DIP2B: variants seen among roughly 807,000 people sequenced by gnomAD.
DIP2B encodes DIP2 acetate--CoA ligase B (putative), also known as disco-interacting protein 2 homolog B.
A neutral mutation model predicts 198.0 loss-of-function variants in DIP2B; 76 were observed. The observed-to-expected ratio is 0.38, with a 90% confidence interval of 0.32 to 0.46. The LOEUF (loss-of-function observed/expected upper bound fraction) is 0.46. Ranked by LOEUF, DIP2B falls within the 20% of genes least tolerant of loss-of-function variation. The probability of loss-of-function intolerance (pLI) is 0.99; values close to 1 mark genes in which losing one functional copy is unlikely to be tolerated. For synonymous variants in DIP2B, 701 were observed against 739.1 expected (o/e 0.95, Z 0.84); for missense variants, 1,559 against 1,978.4 (o/e 0.79, Z 4.02).
At chr12:50,526,844 C>T (rs1164680564) in intron 1 of DIP2B, among the ~76,000 whole-genome samples, 2 of 152,058 alleles carry the variant, frequency 1.3e-5, no homozygotes, top group African/African-American at 4.8e-5. Flanking sequence ...CCATGTTGGC[C>T]AGGTTGGTCC....
intron 4 of DIP2B, among the ~76,000 whole-genome samples, chr12:50,660,958 C>T (rs1193307377): frequency 6.6e-6 from 1 of 152,102 alleles, no homozygotes; most frequent in African/African-American, 2.4e-5. Context: ...TCCCTGTTCA[C>T]CAGACTTCAA....
intron 1 of DIP2B, among the ~76,000 whole-genome samples, chr12:50,579,120 T>A (rs561908961): frequency 1.2e-3 from 185 of 152,246 alleles, no homozygotes; most frequent in African/African-American, 4.1e-3. Flanking sequence ...GTTTGAGAGT[T>A]GTGAGCTGAC....
intron 1 of DIP2B, among the ~76,000 whole-genome samples, chr12:50,597,648 GA>G (rs1470728296): frequency 6.6e-6 from 1 of 152,172 alleles, no homozygotes; most frequent in Non-Finnish European, 1.5e-5. Flanking sequence ...GGGAGTCAGT[GA>G]GGGTGGCTCA....
chr12:50,636,560 T>C (rs1593675456), intron 2 of DIP2B, among the ~76,000 whole-genome samples: 1 of 152,136 alleles, frequency 6.6e-6, no homozygotes, highest in Non-Finnish European at 1.5e-5. Flanking sequence ...AAAGGAGAGG[T>C]AGTAGATCCA....
chr12:50,528,820 G>A (rs994491431), intron 1 of DIP2B, among the ~76,000 whole-genome samples: 2 of 152,174 alleles, frequency 1.3e-5, no homozygotes, highest in Non-Finnish European at 2.9e-5. Context: ...GGAGAGTTGG[G>A]GGCCAGGAAG....
At chr12:50,705,230 A>G (rs925392579) in intron 20 of DIP2B, among the ~76,000 whole-genome samples, 1 of 152,136 alleles carries the variant, frequency 6.6e-6, no homozygotes, top group Admixed American at 6.5e-5. Context: ...TCCACTTAAC[A>G]TCTTCAGTCA....
chr12:50,729,709 C>A (rs978801688), intron 30 of DIP2B, among the ~76,000 whole-genome samples: 1 of 150,388 alleles, frequency 6.6e-6, no homozygotes, highest in South Asian at 2.1e-4. Context: ...TATTTCCTTT[C>A]TGTCCTTTTT....
At chr12:50,621,375 T>A (rs1937808247) in intron 1 of DIP2B, among the ~76,000 whole-genome samples, 1 of 152,254 alleles carries the variant, frequency 6.6e-6, no homozygotes, top group Non-Finnish European at 1.5e-5. Context: ...TCGGTAAACT[T>A]CTGGTCCACT....
intron 1 of DIP2B, among the ~76,000 whole-genome samples, chr12:50,564,345 T>TA (rs1434452150): frequency 6.6e-6 from 1 of 152,216 alleles, no homozygotes; most frequent in East Asian, 1.9e-4. Context: ...CTTGTTCTGT[T>TA]ATGGTGGGAG....
At chr12:50,683,341 T>TG in intron 10 of DIP2B, 93 bp downstream of exon 10, 1 of 1,046,734 alleles carries the variant, frequency 9.6e-7, no homozygotes, top group Non-Finnish European at 1.4e-6. Flanking sequence ...TAAAAACTGT[T>TG]CGACCATTTT....
At chr12:50,667,162 G>A (rs1295465749) in intron 4 of DIP2B, among the ~76,000 whole-genome samples, 5 of 152,098 alleles carry the variant, frequency 3.3e-5, no homozygotes, top group Non-Finnish European at 4.4e-5. Flanking sequence ...GAGACAATGC[G>A]CCCGGCCAAC....
At chr12:50,540,053 G>GTGTTTTTTTTTTTTT in intron 1 of DIP2B, among the ~76,000 whole-genome samples, 1 of 44,142 alleles carries the variant, frequency 2.3e-5, no homozygotes, top group Non-Finnish European at 3.9e-5. Flanking sequence ...TTGTTTCTGT[G>GTGTTTTTTTTTTTTT]TTTTTTTTTT....
rs929234666 is a variant in DIP2B at position 50,698,954 on chromosome 12, C to T, written c.2189-112C>T. ...TTAGCATTCCTGTCTGGTATTTTTA[C>T]TTAATGCCACTCAGTAAAGGCAGGA... On this transcript the variant is annotated intron_variant, in intron 18 of 37. Coordinates refer to ENST00000301180, the MANE Select transcript of DIP2B (RefSeq NM_173602.3). The T allele has an allele frequency of 3.0e-5, 37 of 1,217,090 alleles. 1 individual carries two copies. In the South Asian group the frequency reaches 5.4e-4, roughly 18 times the overall value. The allele number at this position is 1,217,090 out of a possible 1,614,324, so 75.4% of individuals were successfully genotyped here.
At chr12:50,717,615 C>T (rs1939753588) in intron 23 of DIP2B, among the ~76,000 whole-genome samples, 1 of 152,036 alleles carries the variant, frequency 6.6e-6, no homozygotes, top group African/African-American at 2.4e-5. Flanking sequence ...GATCCGCCCG[C>T]CTCGGCCTCC....
At chr12:50,567,340 T>C (rs1958574621) in intron 1 of DIP2B, among the ~76,000 whole-genome samples, 1 of 152,122 alleles carries the variant, frequency 6.6e-6, no homozygotes, top group Admixed American at 6.6e-5. Context: ...TATACCTGCA[T>C]GTGTGTGTGT....
chr12:50,640,643 T>C (rs1446472842), intron 2 of DIP2B, 81 bp from the exon 3 acceptor site: 3 of 1,488,312 alleles, frequency 2.0e-6, no homozygotes, highest in Non-Finnish European at 2.8e-6. Flanking sequence ...GCTCAGAGTA[T>C]TGTGAGAATG....
chr12:50,610,827 G>A (rs1261837650), intron 1 of DIP2B, among the ~76,000 whole-genome samples: 1 of 146,352 alleles, frequency 6.8e-6, no homozygotes, highest in East Asian at 2.0e-4. Flanking sequence ...TTTTGAGATG[G>A]AGGCTCGCTC....
chr12:50,552,270 CTT>C (rs36028157), intron 1 of DIP2B, among the ~76,000 whole-genome samples: 17 of 139,918 alleles, frequency 1.2e-4, no homozygotes, highest in Admixed American at 1.4e-4. Context: ...TATAGGAGTT[CTT>C]TTTTTTTTTT....
intron 2 of DIP2B, among the ~76,000 whole-genome samples, chr12:50,634,984 A>G (rs770243317): frequency 6.6e-6 from 1 of 152,224 alleles, no homozygotes; most frequent in Non-Finnish European, 1.5e-5. Flanking sequence ...CACCCTCAAT[A>G]GATCTTTTAA....
Sources: allele counts gnomAD v4.1 joint callset (sites outside exome capture counted in the v4.1 genomes callset), GRCh38; gene constraint gnomAD v4.1.1; transcripts MANE v1.5; gene names NCBI Gene and HGNC (gene_info 2026-07-23, HGNC 2026-07-21).